The following TBC1D2B variants were observed in gnomAD, a reference collection of about 807,000 sequenced individuals.
TBC1D2B encodes the protein TBC1 domain family member 2B.
A neutral mutation model predicts 100.8 loss-of-function variants in TBC1D2B; 64 were observed. The observed-to-expected ratio is 0.64, with a 90% confidence interval of 0.52 to 0.78. The LOEUF (loss-of-function observed/expected upper bound fraction) is 0.78. Among genes scored for constraint, TBC1D2B ranks in the 30% least tolerant of loss-of-function variants. The pLI is 0.00. For synonymous variants in TBC1D2B, 480 were observed against 479.7 expected (o/e 1.00, Z -0.01); for missense variants, 1,052 against 1,218.4 (o/e 0.86, Z 2.03).
Position 78,013,149 on chromosome 15 carries a change from C to A in TBC1D2B, c.1944G>T (p.Glu648Asp). ...ENYFASTVNR[E>D]MMCSPELKNL... ...TTTTTAACTCTGGAGAGCACATCAT[C>A]TCCCTGTTCACTGTACTTGCAAAAT... Residue 648 changes from glutamate to aspartate, a missense_variant, in exon 9 of 13, where the codon GAG (glutamate) becomes GAT (aspartate). Physicochemically the swap from Glu to Asp is conservative, Grantham distance 45 (BLOSUM62 2). This residue lies in a region of TBC1D2B where 373 missense variants were observed against 464.9 expected (regional missense o/e 0.80). Transcript: ENST00000300584. 1 of 1,613,978 alleles carries A rather than the reference C, an allele frequency of 6.2e-7. No individual in the cohort carries two copies. Among genetic ancestry groups the A allele is most frequent in the Non-Finnish European group, 8.5e-7 (1 of 1,179,886 alleles).
At chr15:78,073,962 C>T (rs2073781946) in intron 1 of TBC1D2B, among the ~76,000 whole-genome samples, 1 of 149,936 alleles carries the variant, frequency 6.7e-6, no homozygotes, top group Non-Finnish European at 1.5e-5. Context: ...CAGCAAGACT[C>T]TGTTTCAAAA....
In TBC1D2B at chr15:78,077,568, C is replaced by G. The variant is rs780500622; in HGVS notation, c.85G>C (p.Gly29Arg). 2.8e-6 allele frequency: 4 copies of G among 1,405,062 alleles called. No homozygotes were observed. Among genetic ancestry groups the G allele is most frequent in the Non-Finnish European group, 3.7e-6 (4 of 1,073,956 alleles). The allele number at this position is 1,405,062 out of a possible 1,614,324, so 87.0% of individuals were successfully genotyped here. The change falls in exon 1 of 13, where the codon GGT (glycine) becomes CGT (arginine). Residue 29 changes from glycine (G) to arginine (R), a missense_variant. By Grantham distance (125) the Gly-to-Arg change is moderately radical. Coordinates refer to ENST00000300584, the MANE Select transcript of TBC1D2B (RefSeq NM_144572.2). ...AGCCGCGCTGGCTCCCGCGCCGGAC[C>G]CGCCCCGGGCTCCGCGGCCGCCCCC... is the stretch of plus-strand genomic sequence containing the variant. ...AQGAAAEPGA[G>R]PAREPARLCG...
At chr15:78,024,031 T>C (rs2072585581) in intron 6 of TBC1D2B, 125 bp downstream of exon 6, 1 of 1,241,734 alleles carries the variant, frequency 8.1e-7, no homozygotes, top group Non-Finnish European at 1.1e-6. Flanking sequence ...GTTACACTTG[T>C]GGGGAAAAAA....
At chr15:78,063,402 T>C (rs1034712330) in intron 1 of TBC1D2B, among the ~76,000 whole-genome samples, 1 of 152,218 alleles carries the variant, frequency 6.6e-6, no homozygotes, top group Non-Finnish European at 1.5e-5. Flanking sequence ...ATCAATCCTC[T>C]CAGCATTTTA....
chr15:78,020,135 G>A (rs904323610), intron 6 of TBC1D2B, among the ~76,000 whole-genome samples: 32 of 152,172 alleles, frequency 2.1e-4, no homozygotes, highest in African/African-American at 6.7e-4. Flanking sequence ...CTCTTGCCTC[G>A]GCCTCCCAAA....
At chr15:77,998,498 C>T in intron 12 of TBC1D2B, 143 bp from the exon 13 acceptor site, 1 of 691,468 alleles carries the variant, frequency 1.4e-6, no homozygotes, top group Non-Finnish European at 2.3e-6. Context: ...GGGGATGAGG[C>T]CCACCTTCTG....
intron 1 of TBC1D2B, among the ~76,000 whole-genome samples, chr15:78,067,295 C>G (rs776965224): frequency 6.6e-6 from 1 of 152,132 alleles, no homozygotes; most frequent in Non-Finnish European, 1.5e-5. Context: ...TGCCTTCCTC[C>G]AGCTCCCAGA....
chr15:78,024,410 G>A lies in TBC1D2B; in HGVS notation c.1216C>T (p.Leu406=). The A allele has an allele frequency of 6.2e-7, 1 of 1,614,044 alleles. No individual in the cohort carries two copies. Among genetic ancestry groups the A allele is most frequent in the Non-Finnish European group, 8.5e-7 (1 of 1,179,906 alleles). The change falls in exon 6 of 13, where the codon CTG becomes TTG. Residue 406 remains leucine (L), a synonymous_variant. Transcript: ENST00000300584. The part of the protein sequence containing the change: ...ELLHQKDDQI[L]GLTSQLERFS... ...CTCTCCAGCTGGCTGGTAAGGCCCAGAATCTGATCATCCTTTTGGTGCAGA... is the reference window on the plus strand; with the variant it reads ...CTCTCCAGCTGGCTGGTAAGGCCCAAAATCTGATCATCCTTTTGGTGCAGA...
chr15:78,053,771 C>G (rs1006559530), intron 2 of TBC1D2B: 8 of 364,958 alleles, frequency 2.2e-5, no homozygotes, highest in African/African-American at 1.3e-4. Context: ...ACTAGACTTA[C>G]AGCACCACAA....
At chr15:78,061,370 C>T (rs1452282313) in intron 1 of TBC1D2B, among the ~76,000 whole-genome samples, 1 of 151,950 alleles carries the variant, frequency 6.6e-6, no homozygotes. Flanking sequence ...CCGAGGAGTT[C>T]AAGACCAGCC....
intron 1 of TBC1D2B, among the ~76,000 whole-genome samples, chr15:78,059,169 C>A (rs566452171): frequency 1.3e-5 from 2 of 152,234 alleles, no homozygotes; most frequent in Non-Finnish European, 2.9e-5. Flanking sequence ...CTCAGAGAAT[C>A]TTGTAGCCCA....
rs190578119 is a variant in TBC1D2B at position 78,036,218 on chromosome 15, T to C, written c.684-6048A>G. ...AAAAGGACTTTCATTTTTAACTGTG[T>C]ACCCCTCAGCAATGATTGATTTTTC... On this transcript the variant is annotated intron_variant, in intron 3 of 12. Coordinates refer to ENST00000300584, the MANE Select transcript of TBC1D2B (RefSeq NM_144572.2). 1.4e-3 allele frequency among the ~76,000 whole-genome samples: 215 copies of C among 152,338 alleles called. 2 individuals are homozygous for C. Among genetic ancestry groups the C allele is most frequent in the Middle Eastern group, 0.014 (4 of 294 alleles).
chr15:77,998,729 T>C (rs2071832368), intron 12 of TBC1D2B: 1 of 188,560 alleles, frequency 5.3e-6, no homozygotes, highest in African/African-American at 2.3e-5. Context: ...GGCACTTGCA[T>C]GGTGATGGCA....
intron 6 of TBC1D2B, 80 bp from the exon 7 acceptor site, chr15:78,018,037 G>A: frequency 1.4e-6 from 1 of 710,524 alleles, no homozygotes; most frequent in Non-Finnish European, 2.3e-6. Flanking sequence ...TCAGTAGCTT[G>A]CTGCTTCACC....
At chr15:78,051,184 G>GT (rs1310301045) in intron 2 of TBC1D2B, among the ~76,000 whole-genome samples, 1 of 152,208 alleles carries the variant, frequency 6.6e-6, no homozygotes, top group Non-Finnish European at 1.5e-5. Context: ...CTCCCTATGT[G>GT]TAAGTCCTTA....
chr15:78,032,738 T>C (rs2072847578), intron 3 of TBC1D2B, among the ~76,000 whole-genome samples: 1 of 150,994 alleles, frequency 6.6e-6, no homozygotes, highest in African/African-American at 2.4e-5. Flanking sequence ...ACATGCTAAA[T>C]GGGAACAAGA....
At chr15:78,028,887 T>C (rs972822646) in intron 4 of TBC1D2B, among the ~76,000 whole-genome samples, 4 of 152,176 alleles carry the variant, frequency 2.6e-5, no homozygotes, top group African/African-American at 9.7e-5. Context: ...CAGGGAGCTG[T>C]TTAGATTAAA....
intron 9 of TBC1D2B, among the ~76,000 whole-genome samples, chr15:78,010,162 A>G (rs2072185113): frequency 6.6e-6 from 1 of 152,188 alleles, no homozygotes; most frequent in African/African-American, 2.4e-5. Flanking sequence ...AATGGGCTGC[A>G]GATGAGGGCA....
intron 6 of TBC1D2B, 72 bp downstream of exon 6, chr15:78,024,084 C>A: frequency 1.3e-6 from 2 of 1,504,354 alleles, no homozygotes; most frequent in Non-Finnish European, 8.8e-7. Context: ...AATCAGCTCA[C>A]GGAGGCCAGG....
Sources: allele counts gnomAD v4.1 joint callset (sites outside exome capture counted in the v4.1 genomes callset), GRCh38; gene constraint gnomAD v4.1.1; regional missense constraint gnomAD v4.1.1; transcripts MANE v1.5; gene names NCBI Gene and HGNC (gene_info 2026-07-23, HGNC 2026-07-21).